The following CNBD1 variants were observed in gnomAD, a reference collection of about 807,000 sequenced individuals.
CNBD1 encodes the protein cyclic nucleotide binding domain containing 1.
Under a neutral mutation model 54.4 loss-of-function variants are expected in CNBD1, and 71 were observed. That is an observed-to-expected ratio of 1.30 (90% confidence interval 1.08 to 1.59). The LOEUF (loss-of-function observed/expected upper bound fraction) is 1.59. CNBD1 is among the 40% of genes most tolerant of loss of function. The pLI is 0.00. For synonymous variants in CNBD1, 182 were observed against 170.7 expected, an observed-to-expected ratio of 1.07 and a Z score of -0.51; for missense variants, 659 against 518.0, an observed-to-expected ratio of 1.27 and a Z score of -2.64.
intron 4 of CNBD1, among the ~76,000 whole-genome samples, chr8:87,016,844 G>C (rs2974275): frequency 0.69 from 105,360 of 152,052 alleles, 37,663 homozygotes; most frequent in African/African-American, 0.87. Context: ...ATTGCCCAAC[G>C]CTCCCTATAA....
chr8:87,291,197 ATTC>A (rs1275221589), intron 8 of CNBD1, among the ~76,000 whole-genome samples: 1 of 152,102 alleles, frequency 6.6e-6, no homozygotes, highest in Non-Finnish European at 1.5e-5. Flanking sequence ...AATTTTAATA[ATTC>A]TTCTCTTTTT....
In CNBD1 at chr8:87,382,713, C is replaced by A; in HGVS notation, c.*86C>A. ...TGCATTCTGGAATACTATCAAACTACCAGCAATGAATTTGGTCTATTGTGA... is the reference window on the plus strand; with the variant it reads ...TGCATTCTGGAATACTATCAAACTAACAGCAATGAATTTGGTCTATTGTGA... On this transcript the variant is annotated 3_prime_UTR_variant, in exon 11 of 11. Transcript: ENST00000518476. 1 of 1,051,034 alleles carries A rather than the reference C, an allele frequency of 9.5e-7. No individual in the cohort carries two copies. The highest frequency in any genetic ancestry group is 1.4e-6 in the Non-Finnish European group (1 of 712,594). The allele number at this position is 1,051,034 out of a possible 1,614,324, so 65.1% of individuals were successfully genotyped here.
chr8:86,983,443 C>T (rs937795128), intron 4 of CNBD1, among the ~76,000 whole-genome samples: 1 of 152,094 alleles, frequency 6.6e-6, no homozygotes, highest in South Asian at 2.1e-4. Flanking sequence ...AAAGTGAAAG[C>T]AACTTTGGAA....
chr8:87,338,937 G>T (rs1810008550), intron 8 of CNBD1, among the ~76,000 whole-genome samples: 1 of 152,110 alleles, frequency 6.6e-6, no homozygotes, highest in South Asian at 2.1e-4. Context: ...GTTTTAGTAA[G>T]CCCATGTCTC....
intron 4 of CNBD1, among the ~76,000 whole-genome samples, chr8:87,092,469 GTA>G (rs1199495623): frequency 6.9e-6 from 1 of 144,756 alleles, no homozygotes; most frequent in Non-Finnish European, 1.5e-5. Flanking sequence ...GTGTGTGTGT[GTA>G]TATATATACA....
At chr8:87,426,802 T>G (rs145890022) in intron 2 of CNBD1, among the ~76,000 whole-genome samples, 3 of 152,170 alleles carry the variant, frequency 2.0e-5, no homozygotes, top group Non-Finnish European at 4.4e-5. Flanking sequence ...TACCAAAAAA[T>G]TTCATTTGTG....
At chr8:87,092,387 A>G (rs1449962879) in intron 4 of CNBD1, among the ~76,000 whole-genome samples, 6 of 145,780 alleles carry the variant, frequency 4.1e-5, no homozygotes, top group South Asian at 2.1e-4. Context: ...GTGTGTGTGT[A>G]TATATATGTG....
chr8:86,903,064 T>C (rs142472957), intron 2 of CNBD1, among the ~76,000 whole-genome samples: 277 of 152,200 alleles, frequency 1.8e-3, no homozygotes, highest in African/African-American at 5.9e-3. Flanking sequence ...ATTTAGGGGC[T>C]CAATCTGAAA....
chr8:87,074,761 C>G (rs1031055256), intron 4 of CNBD1, among the ~76,000 whole-genome samples: 4 of 152,032 alleles, frequency 2.6e-5, no homozygotes, highest in Non-Finnish European at 5.9e-5. Flanking sequence ...AGCTTGTTTG[C>G]CTAATCAGTC....
intron 4 of CNBD1, among the ~76,000 whole-genome samples, chr8:86,990,722 G>T (rs891707694): frequency 1.3e-5 from 2 of 151,798 alleles, no homozygotes; most frequent in African/African-American, 2.4e-5. Context: ...TTCTATTTTT[G>T]TGAAGAATTT....
rs768463724 is a variant in CNBD1 at position 87,382,627 on chromosome 8, G to A, written c.1311G>A (p.Ter437=). The change falls in exon 11 of 11, where the codon TAG becomes TAA. Residue 437 remains the stop codon, a stop_retained_variant. Transcript: ENST00000518476. ...TTTGTTTGCCTTTTGCAGTGGCCTAGATCTAGAAACAACCTCAGTGAACAT... is the reference window on the plus strand; with the variant it reads ...TTTGTTTGCCTTTTGCAGTGGCCTAAATCTAGAAACAACCTCAGTGAACAT... The part of the protein sequence containing the change: ...IIEDKDLFVA[*] 27 of 1,536,060 alleles carry A rather than the reference G, an allele frequency of 1.8e-5. No homozygotes were observed. Among genetic ancestry groups the A allele is most frequent in the African/African-American group, 1.1e-4 (8 of 72,690 alleles).
rs1491482082 is a variant in CNBD1 at position 87,092,483 on chromosome 8, A to ATGTGTGTGTGTG, written c.432-113509_432-113508insGTGTGTGTGTGT. The stretch of plus-strand genomic sequence containing the variant: ...TGTGTGTGTGTGTATATATATACAC[A>ATGTGTGTGTGTG]TATGTGTGTGTGTATATATATGTGT... On this transcript the variant is annotated intron_variant, in intron 4 of 10. Transcript: ENST00000518476. 3.2e-3 allele frequency among the ~76,000 whole-genome samples: 458 copies of ATGTGTGTGTGTG among 141,226 alleles called. 14 individuals are homozygous for ATGTGTGTGTGTG. Among genetic ancestry groups the ATGTGTGTGTGTG allele is most frequent in the African/African-American group, 0.012 (431 of 34,740 alleles). The allele number at this position is 141,226 out of a possible 152,430, so 92.6% of individuals were successfully genotyped here. A position where few individuals can be genotyped will look rare whatever the true frequency, so the allele number is the denominator to read the frequency against.
At chr8:87,255,256 G>A (rs1176191192) in intron 6 of CNBD1, among the ~76,000 whole-genome samples, 4 of 152,134 alleles carry the variant, frequency 2.6e-5, no homozygotes, top group Non-Finnish European at 2.9e-5. Flanking sequence ...TCAGGGAAGG[G>A]AGTGGCATGG....
At chr8:87,346,578 C>CAT (rs947377688) in intron 8 of CNBD1, among the ~76,000 whole-genome samples, 1 of 151,670 alleles carries the variant, frequency 6.6e-6, no homozygotes, top group Non-Finnish European at 1.5e-5. Flanking sequence ...AGAAAGTATA[C>CAT]ATATATATAC....
chr8:87,371,590 A>G (rs893329976), intron 10 of CNBD1, among the ~76,000 whole-genome samples: 1 of 152,040 alleles, frequency 6.6e-6, no homozygotes, highest in African/African-American at 2.4e-5. Context: ...AATCCTCAAT[A>G]AAATACTGGC....
chr8:87,128,245 A>G (rs1812039454), intron 4 of CNBD1, among the ~76,000 whole-genome samples: 1 of 152,216 alleles, frequency 6.6e-6, no homozygotes, highest in Non-Finnish European at 1.5e-5. Flanking sequence ...GCTGGTTAAC[A>G]CTTAAGCCAT....
chr8:87,354,393 A>G (rs764437796), intron 10 of CNBD1, among the ~76,000 whole-genome samples: 14 of 151,450 alleles, frequency 9.2e-5, no homozygotes, highest in Non-Finnish European at 1.6e-4. Context: ...ATTCTCTAGG[A>G]TTTCTTTTTT....
chr8:87,346,271 C>T (rs1317590830), intron 8 of CNBD1, among the ~76,000 whole-genome samples: 5 of 152,056 alleles, frequency 3.3e-5, no homozygotes, highest in Admixed American at 2.6e-4. Flanking sequence ...GAACTCCCGA[C>T]CTCCAGGTGA....
At chr8:87,057,107 C>T (rs915167289) in intron 4 of CNBD1, among the ~76,000 whole-genome samples, 6 of 152,162 alleles carry the variant, frequency 3.9e-5, no homozygotes, top group Non-Finnish European at 2.9e-5. Context: ...TAGCAACCTG[C>T]CATGTTGTGA....
Sources: allele counts gnomAD v4.1 joint callset (sites outside exome capture counted in the v4.1 genomes callset), GRCh38; gene constraint gnomAD v4.1.1; transcripts MANE v1.5; gene names NCBI Gene and HGNC (gene_info 2026-07-23, HGNC 2026-07-21).